C10orf90: variants seen among roughly 807,000 people sequenced by gnomAD.
C10orf90 encodes chromosome 10 open reading frame 90.
Under a neutral mutation model 62.5 loss-of-function variants are expected in C10orf90, and 56 were observed. The ratio of observed to expected loss-of-function variants is 0.90; its 90% CI spans 0.72 to 1.12. The LOEUF is 1.12. Among genes scored for constraint, C10orf90 ranks in the 50% most tolerant of loss-of-function variants. C10orf90 has a pLI of 0.00. For missense variants in C10orf90, 970 were observed against 880.4 expected (o/e 1.10, Z -1.29); for synonymous variants, 386 against 340.4 (o/e 1.13, Z -1.47).
intron 1 of C10orf90, among the ~76,000 whole-genome samples, chr10:126,662,774 A>C (rs980593422): frequency 4.0e-5 from 6 of 149,962 alleles, no homozygotes; most frequent in African/African-American, 1.5e-4. Context: ...CTGGCCTGGC[A>C]TCATTGGGAT....
At chr10:126,612,667 C>T (rs76988826) in intron 2 of C10orf90, among the ~76,000 whole-genome samples, 1,801 of 152,252 alleles carry the variant, frequency 0.012, 38 homozygotes, top group African/African-American at 0.041. Flanking sequence ...TCGTGTTTTC[C>T]AATCAGTTCA....
At chr10:126,445,805 G>GTATATATATATATATATA (rs71029302) in intron 7 of C10orf90, among the ~76,000 whole-genome samples, 45 of 100,744 alleles carry the variant, frequency 4.5e-4, no homozygotes, top group South Asian at 2.0e-3. Context: ...AAACTGTGGT[G>GTATATATATATATATATA]TATATATATA....
intron 2 of C10orf90, among the ~76,000 whole-genome samples, chr10:126,638,049 G>C (rs1235242045): frequency 6.6e-6 from 1 of 152,194 alleles, no homozygotes; most frequent in Non-Finnish European, 1.5e-5. Context: ...AAAGACTCCA[G>C]GTTTCCAGCG....
intron 2 of C10orf90, chr10:126,520,242 T>C (rs1274023148): frequency 2.6e-5 from 4 of 152,282 alleles, no homozygotes; most frequent in African/African-American, 9.6e-5. Context: ...ATCAAGCTGG[T>C]GACCCCACCA....
chr10:126,603,298 G>A (rs1234229530), intron 2 of C10orf90, among the ~76,000 whole-genome samples: 1 of 152,112 alleles, frequency 6.6e-6, no homozygotes, highest in Non-Finnish European at 1.5e-5. Context: ...TCACGTGGCG[G>A]CATCAAGGAG....
intron 2 of C10orf90, among the ~76,000 whole-genome samples, chr10:126,522,538 C>T (rs1370968078): frequency 8.5e-5 from 13 of 152,202 alleles, no homozygotes; most frequent in Admixed American, 3.9e-4. Context: ...AAGCCCCTTG[C>T]GTCTGGTCAG....
chr10:126,521,465 C>G, intron 2 of C10orf90: 1 of 1,484,172 alleles, frequency 6.7e-7, no homozygotes. Flanking sequence ...ACCTTCCAGC[C>G]TCGGCCAAAG....
rs149388609 is a variant in C10orf90, at chr10:126,425,991, C to G, written c.2352G>C (p.Lys784Asn). 9.3e-6 allele frequency: 15 copies of G among 1,614,030 alleles called. No individual in the cohort carries two copies. In the African/African-American group the frequency reaches 1.7e-4, roughly 19 times the overall value. The change falls in exon 9 of 10, where the codon AAG becomes AAC. Residue 784 changes from lysine (K) to asparagine (N), a missense_variant and splice_region_variant. Physicochemically the swap from Lys to Asn is moderately conservative, Grantham distance 94. Transcript: ENST00000488181. ...CACCTGCTGGTGACGAGGCCATTAC[C>G]TTTTTGAAGACTTCGGCACGGAGTC... ...SNRLRAEVFK[K>N]QLLDQLLQRN...
chr10:126,428,863 T>A (rs2133978779), intron 8 of C10orf90, among the ~76,000 whole-genome samples: 1 of 152,272 alleles, frequency 6.6e-6, no homozygotes, highest in East Asian at 1.9e-4. Context: ...AATCAGGTCT[T>A]TAATGGGACG....
intron 2 of C10orf90, among the ~76,000 whole-genome samples, chr10:126,636,681 T>C (rs1197229465): frequency 6.6e-6 from 1 of 152,232 alleles, no homozygotes; most frequent in Non-Finnish European, 1.5e-5. Flanking sequence ...GCTTCAAAAA[T>C]ACATTTAATT....
At chr10:126,613,564 C>G (rs577210574) in intron 2 of C10orf90, among the ~76,000 whole-genome samples, 53 of 152,278 alleles carry the variant, frequency 3.5e-4, no homozygotes, top group Non-Finnish European at 7.5e-4. Flanking sequence ...CTATTTTAAT[C>G]CACTGATGCA....
chr10:126,532,634 G>A (rs548992046), intron 2 of C10orf90, among the ~76,000 whole-genome samples: 1 of 151,420 alleles, frequency 6.6e-6, no homozygotes, highest in African/African-American at 2.4e-5. Context: ...TCAGGAAATC[G>A]AGACCATCCT....
chr10:126,475,955 C>T (rs756566370), intron 4 of C10orf90, among the ~76,000 whole-genome samples: 19 of 152,244 alleles, frequency 1.2e-4, no homozygotes, highest in Admixed American at 4.6e-4. Context: ...GGTTTTGGTG[C>T]TTTGTGGGCT....
intron 4 of C10orf90, among the ~76,000 whole-genome samples, chr10:126,501,819 A>G (rs984294795): frequency 7.9e-5 from 12 of 152,298 alleles, no homozygotes; most frequent in African/African-American, 2.9e-4. Context: ...ATAGCAGTGG[A>G]AAGCCAAAAA....
At chr10:126,516,121 A>G (rs1863425028) in intron 2 of C10orf90, among the ~76,000 whole-genome samples, 1 of 152,344 alleles carries the variant, frequency 6.6e-6, no homozygotes, top group Admixed American at 6.5e-5. Context: ...CTAGGCCTGC[A>G]TCCTGCTTGG....
At chr10:126,515,279 T>C (rs1332906802) in intron 2 of C10orf90, among the ~76,000 whole-genome samples, 1 of 152,184 alleles carries the variant, frequency 6.6e-6, no homozygotes, top group Non-Finnish European at 1.5e-5. Flanking sequence ...GTGCTCATAG[T>C]CTGCAGTAGC....
intron 2 of C10orf90, among the ~76,000 whole-genome samples, chr10:126,570,907 G>T (rs1431684272): frequency 6.6e-6 from 1 of 152,058 alleles, no homozygotes; most frequent in Admixed American, 6.6e-5. Context: ...AATGGAACCC[G>T]TATCAAGATC....
chr10:126,502,471 T>C (rs566452060), intron 4 of C10orf90, among the ~76,000 whole-genome samples: 5 of 152,280 alleles, frequency 3.3e-5, no homozygotes, highest in African/African-American at 1.2e-4. Flanking sequence ...TTTCACAAAA[T>C]CACAATCAAA....
intron 2 of C10orf90, among the ~76,000 whole-genome samples, chr10:126,540,227 G>A (rs1864342245): frequency 2.0e-5 from 3 of 152,170 alleles, no homozygotes; most frequent in Admixed American, 2.0e-4. Flanking sequence ...CTTAATGAAT[G>A]AGAAGACTTA....
Sources: allele counts gnomAD v4.1 joint callset (sites outside exome capture counted in the v4.1 genomes callset), GRCh38; gene constraint gnomAD v4.1.1; transcripts MANE v1.5; gene names NCBI Gene and HGNC (gene_info 2026-07-23, HGNC 2026-07-21).